TANC2: variants seen among roughly 807,000 people sequenced by gnomAD.
The protein encoded by TANC2 is tetratricopeptide repeat, ankyrin repeat and coiled-coil containing 2.
TANC2 carries 26 observed loss-of-function variants against 210.5 expected under a neutral mutation model. That is an observed-to-expected ratio of 0.12 (90% CI 0.09 to 0.17). The LOEUF is 0.17. Among genes scored for constraint, TANC2 ranks in the 10% least tolerant of loss-of-function variants. The pLI, the probability that TANC2 is intolerant of heterozygous loss-of-function variation, is 1.00. For synonymous variants in TANC2, 931 were observed against 967.1 expected (o/e 0.96, Z 0.69); for missense variants, 2,129 against 2,608.9 (o/e 0.82, Z 4.01).
chr17:63,104,847 C>T (rs1183308027), intron 4 of TANC2, among the ~76,000 whole-genome samples: 2 of 151,836 alleles, frequency 1.3e-5, no homozygotes, highest in Non-Finnish European at 2.9e-5. Flanking sequence ...TTTCCTGACT[C>T]TGTAATCTCG....
At chr17:63,146,584 T>G (rs183292303) in intron 4 of TANC2, among the ~76,000 whole-genome samples, 100 of 152,338 alleles carry the variant, frequency 6.6e-4, no homozygotes, top group African/African-American at 2.4e-3. Flanking sequence ...TGATCTTTGC[T>G]TTCATTTGGT....
At chr17:63,316,197 T>C (rs544079324) in intron 10 of TANC2, among the ~76,000 whole-genome samples, 2 of 152,346 alleles carry the variant, frequency 1.3e-5, no homozygotes, top group African/African-American at 4.8e-5. Flanking sequence ...ACTATTCCAG[T>C]GTTTTCCTTT....
At chr17:63,197,144 T>C (rs1316568822) in intron 6 of TANC2, among the ~76,000 whole-genome samples, 1 of 152,124 alleles carries the variant, frequency 6.6e-6, no homozygotes, top group Non-Finnish European at 1.5e-5. Flanking sequence ...AACTGTGTGA[T>C]TTGGGGGAAA....
In TANC2 at chr17:63,340,511, A is replaced by C. The variant is rs186428676; in HGVS notation, c.1807+179A>C. Among the ~76,000 whole-genome samples the C allele has an allele frequency of 6.4e-4, 97 of 152,078 alleles. 1 individual carries two copies. In the East Asian group the frequency reaches 0.018, roughly 28 times the overall value. ...TTACTTGCAAAAAAAAAAATCCAGCAGTAACTACTCCTTCCTCTTTTCTTT... is the reference window on the plus strand; with the variant it reads ...TTACTTGCAAAAAAAAAAATCCAGCCGTAACTACTCCTTCCTCTTTTCTTT... On this transcript the variant is annotated intron_variant, in intron 12 of 27. Transcript: ENST00000689528.
chr17:63,241,704 C>T (rs1046800447), intron 8 of TANC2, among the ~76,000 whole-genome samples: 3 of 152,098 alleles, frequency 2.0e-5, no homozygotes, highest in Admixed American at 1.3e-4. Context: ...CGATGCATCT[C>T]GGCTATACAG....
intron 7 of TANC2, among the ~76,000 whole-genome samples, chr17:63,205,344 C>CAAAAAA (rs1158768609): frequency 0.067 from 538 of 8,066 alleles, 176 homozygotes; most frequent in Non-Finnish European, 0.09. Flanking sequence ...ACCAAGGAGG[C>CAAAAAA]AAAAAAAAAA....
In TANC2 at chr17:63,375,978, A is replaced by C. The variant is rs146877611; in HGVS notation, c.2583-3740A>C. 1.5e-3 allele frequency among the ~76,000 whole-genome samples: 233 copies of C among 151,664 alleles called. 5 individuals are homozygous for C. The East Asian group carries it at 0.037, about 24-fold the overall frequency. ...GTGGCACATGCCTGTAATCCCAGCTATTTGGGAGGCTGAGAGGAGAATTGC... is the reference window on the plus strand; with the variant it reads ...GTGGCACATGCCTGTAATCCCAGCTCTTTGGGAGGCTGAGAGGAGAATTGC... On this transcript the variant is annotated intron_variant, in intron 14 of 27. Transcript: ENST00000689528.
intron 2 of TANC2, among the ~76,000 whole-genome samples, chr17:63,041,914 G>T (rs2035203637): frequency 6.6e-6 from 1 of 152,148 alleles, no homozygotes; most frequent in Non-Finnish European, 1.5e-5. Context: ...GTGATGCTTG[G>T]TGAGGGCACA....
intron 18 of TANC2, 78 bp downstream of exon 18, chr17:63,396,006 A>T (rs2048145304): frequency 1.4e-6 from 2 of 1,389,552 alleles, no homozygotes; most frequent in African/African-American, 2.9e-5. Context: ...AGATTGCACG[A>T]AGACAAAATT....
chr17:63,175,530 CG>C (rs1316966307), intron 5 of TANC2, among the ~76,000 whole-genome samples: 1,832 of 92,768 alleles, frequency 0.02, 56 homozygotes, highest in African/African-American at 0.08. Flanking sequence ...CTGTCTCCCC[CG>C]CCAAAAAAAA....
chr17:63,290,881 A>G (rs1225057418), intron 9 of TANC2, among the ~76,000 whole-genome samples: 2 of 152,178 alleles, frequency 1.3e-5, no homozygotes, highest in African/African-American at 4.8e-5. Flanking sequence ...TGTACTTACA[A>G]TAATGAAGAG....
chr17:63,382,908 A>T, intron 15 of TANC2, among the ~76,000 whole-genome samples: 1 of 152,162 alleles, frequency 6.6e-6, no homozygotes, highest in East Asian at 1.9e-4. Flanking sequence ...TTCTCTATAG[A>T]TGTAGGTCAG....
chr17:63,175,733 A>G (rs113160672), intron 5 of TANC2, among the ~76,000 whole-genome samples: 297 of 152,282 alleles, frequency 2.0e-3, no homozygotes, highest in African/African-American at 6.9e-3. Context: ...TGGAAAGTGG[A>G]GCCATAAAAT....
At position 63,421,142 on chromosome 17, in the gene TANC2, C is replaced by T; in HGVS notation, c.5412C>T (p.Ser1804=). 6.2e-7 allele frequency: 1 copy of T among 1,613,954 alleles called. No individual in the cohort carries two copies. Among genetic ancestry groups the T allele is most frequent in the Non-Finnish European group, 8.5e-7 (1 of 1,179,876 alleles). ...GCCAGACACCACAGATCGGACGCAG[C>T]CAGTCAGCATCCTATTACCCAGTCT... Residue 1804 remains serine, a synonymous_variant, in exon 28 of 28, where the codon AGC becomes AGT. Coordinates refer to ENST00000689528, the Ensembl canonical transcript of TANC2. The surrounding 1 kb of genome is among the most constrained non-coding windows in gnomAD (Gnocchi z 6.9).
chr17:63,335,422 C>T (rs1318676036), intron 11 of TANC2, among the ~76,000 whole-genome samples: 1 of 151,894 alleles, frequency 6.6e-6, no homozygotes, highest in African/African-American at 2.4e-5. Context: ...ACCAGCCTGG[C>T]CAATATAGTG....
At chr17:63,389,618 G>A (rs1046963675) in intron 17 of TANC2, 74 bp downstream of exon 17, 3 of 1,367,272 alleles carry the variant, frequency 2.2e-6, no homozygotes, top group Non-Finnish European at 2.0e-6. Context: ...CTTATCTCCA[G>A]TGTTACTTCA....
In TANC2 at chr17:63,398,929, C is replaced by T. The variant is rs926247660; in HGVS notation, c.3331+15C>T. On this transcript the variant is annotated intron_variant, in intron 19 of 27. Coordinates refer to ENST00000689528, the Ensembl canonical transcript of TANC2. ...GGGAGAGACAGGTACCTCTCATGGACGTTGCCCTCAAGAATGTGTTGTGTT... is the reference window on the plus strand; with the variant it reads ...GGGAGAGACAGGTACCTCTCATGGATGTTGCCCTCAAGAATGTGTTGTGTT... 9.6e-6 allele frequency: 15 copies of T among 1,555,452 alleles called. No homozygotes were observed. The African/African-American group carries it at 1.2e-4, about 13-fold the overall frequency.
intron 12 of TANC2, among the ~76,000 whole-genome samples, chr17:63,346,830 G>C (rs148967861): frequency 1.1e-4 from 17 of 151,862 alleles, no homozygotes; most frequent in African/African-American, 3.6e-4. Flanking sequence ...TCAGCCTTCT[G>C]AGTAACCGGG....
In TANC2 at chr17:63,420,537, C is replaced by T. The variant is rs776432017; in HGVS notation, c.4807C>T (p.Pro1603Ser). ...GGGAGGATCTTACCGTTTCAGCCCC[C>T]CTCCTGTGGGAGGACAGGGCAAAGA... Residue 1603 changes from proline (P) to serine (S), a missense_variant, in exon 28 of 28, where the codon CCT becomes TCT. Physicochemically the swap from Pro to Ser is moderately conservative, Grantham distance 74. Around this residue, in one of 5 missense-constraint regions of TANC2, gnomAD observed 584 missense variants for 627.3 expected, o/e 0.93. Coordinates refer to ENST00000689528, the Ensembl canonical transcript of TANC2. The surrounding 1 kb of genome is among the most constrained non-coding windows in gnomAD (Gnocchi z 4.2). The T allele has an allele frequency of 2.5e-6, 4 of 1,613,850 alleles. No individual in the cohort carries two copies. Among genetic ancestry groups the T allele is most frequent in the African/African-American group, 2.7e-5 (2 of 74,944 alleles).
Sources: gnomAD v4.1 joint callset for allele counts (sites outside exome capture counted in the v4.1 genomes callset) on GRCh38, gnomAD v4.1.1 for gene constraint, gnomAD v4.1.1 regional missense constraint, Gnocchi (gnomAD v3.1) non-coding constraint, MANE v1.5 for transcripts, NCBI Gene and HGNC (gene_info 2026-07-23, HGNC 2026-07-21) for gene names.